Variants in WWOX observed in about 807,000 individuals in gnomAD.
The protein encoded by WWOX is WW domain containing oxidoreductase.
Under a neutral mutation model 46.2 loss-of-function variants are expected in WWOX, and 69 were observed. The ratio of observed to expected loss-of-function variants is 1.49; its 90% CI spans 1.23 to 1.82. The LOEUF is 1.82. Ranked by LOEUF, WWOX falls within the 40% of genes most tolerant of loss-of-function variation. The probability of loss-of-function intolerance (pLI) is 0.00; values close to 1 mark genes in which losing one functional copy is unlikely to be tolerated. For missense variants in WWOX, 919 were observed against 542.6 expected (o/e 1.69, Z -6.89); for synonymous variants, 359 against 202.6 (o/e 1.77, Z -6.56).
intron 8 of WWOX, among the ~76,000 whole-genome samples, chr16:78,646,664 G>C (rs1362794349): frequency 2.6e-5 from 4 of 152,154 alleles, no homozygotes; most frequent in Non-Finnish European, 1.5e-5. Context: ...CTGACCTCAG[G>C]TGATCCGCCC....
chr16:78,995,021 A>G (rs1418119883), intron 8 of WWOX, among the ~76,000 whole-genome samples: 1 of 107,798 alleles, frequency 9.3e-6, no homozygotes, highest in African/African-American at 3.7e-5. Context: ...CTTTCCCATT[A>G]TGCACAATGC....
chr16:78,828,447 G>C (rs185836744), intron 8 of WWOX, among the ~76,000 whole-genome samples: 2 of 152,204 alleles, frequency 1.3e-5, no homozygotes, highest in South Asian at 2.1e-4. Context: ...CAGTGTTACT[G>C]TTCCCTGCCA....
At chr16:78,692,522 T>C (rs557921459) in intron 8 of WWOX, among the ~76,000 whole-genome samples, 13 of 152,310 alleles carry the variant, frequency 8.5e-5, no homozygotes, top group Admixed American at 8.5e-4. Flanking sequence ...CTTTGGGTTC[T>C]AAGACGTCCA....
At chr16:78,724,502 ATAT>A (rs766630312) in intron 8 of WWOX, among the ~76,000 whole-genome samples, 3 of 152,028 alleles carry the variant, frequency 2.0e-5, no homozygotes, top group African/African-American at 7.2e-5. Context: ...ACGGTTACTG[ATAT>A]TATTATAGTT....
At chr16:78,261,748 GTGTCTGTCTATCTATCTATCTATGTA>G (rs1430813575) in intron 5 of WWOX, among the ~76,000 whole-genome samples, 3 of 137,624 alleles carry the variant, frequency 2.2e-5, no homozygotes, top group African/African-American at 8.4e-5. Flanking sequence ...GTGTGTGTGT[GTGTCTGTCTATCTATCTATCTATGTA>G]TCTATCTATC....
chr16:78,649,985 C>A (rs2046930480), intron 8 of WWOX, among the ~76,000 whole-genome samples: 1 of 152,090 alleles, frequency 6.6e-6, no homozygotes, highest in Non-Finnish European at 1.5e-5. Flanking sequence ...GAGGGAGGTT[C>A]CATTGTATAT....
At chr16:79,161,685 G>A (rs964790270) in intron 8 of WWOX, among the ~76,000 whole-genome samples, 5 of 151,894 alleles carry the variant, frequency 3.3e-5, no homozygotes, top group Admixed American at 6.6e-5. Flanking sequence ...TGCCCGGCTA[G>A]TTTTTGTATT....
intron 8 of WWOX, among the ~76,000 whole-genome samples, chr16:78,632,578 T>TTTTTTTG (rs398029981): frequency 6.8e-6 from 1 of 147,566 alleles, no homozygotes; most frequent in Non-Finnish European, 1.5e-5. Flanking sequence ...TTTTTTTTTT[T>TTTTTTTG]GGTGGAGTCT....
At chr16:78,103,890 C>T (rs1368976446) in intron 1 of WWOX, among the ~76,000 whole-genome samples, 3 of 151,988 alleles carry the variant, frequency 2.0e-5, no homozygotes, top group East Asian at 1.9e-4. Flanking sequence ...ACCTGCCTCA[C>T]GGTTCACTTG....
intron 8 of WWOX, among the ~76,000 whole-genome samples, chr16:78,717,308 A>T (rs2048587106): frequency 6.6e-6 from 1 of 152,264 alleles, no homozygotes; most frequent in South Asian, 2.1e-4. Flanking sequence ...GAGAGACAGC[A>T]TAATAATTAC....
chr16:78,740,769 C>G (rs79971034), intron 8 of WWOX, among the ~76,000 whole-genome samples: 1,670 of 152,206 alleles, frequency 0.011, 35 homozygotes, highest in African/African-American at 0.038. Context: ...TGGTGGATAT[C>G]TTGGTTGCAG....
chr16:78,948,430 A>C (rs557190334), intron 8 of WWOX, among the ~76,000 whole-genome samples: 1 of 151,950 alleles, frequency 6.6e-6, no homozygotes, highest in South Asian at 2.1e-4. Flanking sequence ...TGAAAAATCC[A>C]TTTTCTTGTG....
At chr16:78,797,424 G>A (rs2050771196) in intron 8 of WWOX, among the ~76,000 whole-genome samples, 1 of 148,800 alleles carries the variant, frequency 6.7e-6, no homozygotes, top group Admixed American at 6.7e-5. Flanking sequence ...GTACGAGCTT[G>A]TAGTCATTTC....
chr16:78,575,533 T>A (rs139767633), intron 8 of WWOX, among the ~76,000 whole-genome samples: 1 of 152,074 alleles, frequency 6.6e-6, no homozygotes, highest in East Asian at 1.9e-4. Context: ...TCCTAAGATC[T>A]TGTGACTTCA....
At chr16:78,205,632 C>G (rs1211842571) in intron 5 of WWOX, among the ~76,000 whole-genome samples, 1 of 151,924 alleles carries the variant, frequency 6.6e-6, no homozygotes, top group Non-Finnish European at 1.5e-5. Context: ...CAATTATCCA[C>G]CCTTCCATCC....
At chr16:78,922,979 C>CCTTTCTTT in intron 8 of WWOX, among the ~76,000 whole-genome samples, 1 of 111,634 alleles carries the variant, frequency 9.0e-6, no homozygotes, top group South Asian at 2.6e-4. Flanking sequence ...AATTCTTTCT[C>CCTTTCTTT]TTTTCTTTTT....
intron 5 of WWOX, among the ~76,000 whole-genome samples, chr16:78,327,620 CAG>C (rs1364285676): frequency 2.0e-5 from 3 of 152,162 alleles, no homozygotes; most frequent in Non-Finnish European, 4.4e-5. Flanking sequence ...TGCCATGACA[CAG>C]AGATTCCACA....
At chr16:79,106,488 C>G (rs567677357) in intron 8 of WWOX, 1 of 151,422 alleles carries the variant, frequency 6.6e-6, no homozygotes, top group African/African-American at 2.4e-5. Context: ...AAATAAAATA[C>G]GCAAACTTTG....
At chr16:78,973,956 C>G (rs963026591) in intron 8 of WWOX, among the ~76,000 whole-genome samples, 1 of 152,188 alleles carries the variant, frequency 6.6e-6, no homozygotes, top group Non-Finnish European at 1.5e-5. Context: ...ACCTATCCTA[C>G]GATTATTTCA....
Sources: gnomAD v4.1 joint callset for allele counts (sites outside exome capture counted in the v4.1 genomes callset) on GRCh38, gnomAD v4.1.1 for gene constraint, MANE v1.5 for transcripts, NCBI Gene and HGNC (gene_info 2026-07-23, HGNC 2026-07-21) for gene names.